JAK1: variants seen among roughly 807,000 people sequenced by gnomAD.
JAK1 encodes Janus kinase 1, also known as tyrosine-protein kinase JAK1.
JAK1 carries 16 observed loss-of-function variants against 136.6 expected under a neutral mutation model. The ratio of observed to expected loss-of-function variants is 0.12; its 90% confidence interval spans 0.08 to 0.18. The LOEUF (loss-of-function observed/expected upper bound fraction) is 0.18. Among genes scored for constraint, JAK1 ranks in the 10% least tolerant of loss-of-function variants. The pLI is 1.00. For missense variants in JAK1, 859 were observed against 1,450.1 expected, an observed-to-expected ratio of 0.59 and a Z score of 6.62; for synonymous variants, 492 against 519.5, an observed-to-expected ratio of 0.95 and a Z score of 0.72.
At chr1:65,037,756 C>T (rs908900911) in intron 2 of JAK1, among the ~76,000 whole-genome samples, 3 of 152,030 alleles carry the variant, frequency 2.0e-5, no homozygotes, top group Admixed American at 6.6e-5. Context: ...CTTAGCTACT[C>T]GGGAGGCTGA....
Position 64,879,138 on chromosome 1 carries a change from A to T in JAK1, c.216T>A (p.Pro72=). The change falls in exon 4 of 25, where the codon CCT becomes CCA. Residue 72 remains proline (P), a synonymous_variant. Coordinates refer to ENST00000342505, the MANE Select transcript of JAK1 (RefSeq NM_002227.4). ...IRAAQACRIS[P]LCHNLFALYD... ...ACAGGGCAAAGAGGTTGTGACAAAG[A>T]GGAGAGATACCTGAGGAAAAGTAAA... The T allele has an allele frequency of 6.2e-7, 1 of 1,614,024 alleles. No homozygotes were observed. The highest frequency in any genetic ancestry group is 2.2e-5 in the East Asian group (1 of 44,874).
At chr1:64,934,381 C>T (rs1053761097) in intron 1 of JAK1, among the ~76,000 whole-genome samples, 2 of 152,184 alleles carry the variant, frequency 1.3e-5, no homozygotes, top group African/African-American at 4.8e-5. Context: ...GAGGCAGCCA[C>T]ACCAAGGAAC....
intron 2 of JAK1, among the ~76,000 whole-genome samples, chr1:65,019,923 AAAGAAG>A (rs536941575): frequency 1.6e-3 from 242 of 149,390 alleles, no homozygotes; most frequent in South Asian, 3.6e-3. Context: ...CTCAAAAAAA[AAAGAAG>A]AAGAAGAAGA....
intron 24 of JAK1, 23 bp from the exon 25 acceptor site, chr1:64,834,680 A>G (rs757234641): frequency 6.9e-7 from 1 of 1,458,992 alleles, no homozygotes; most frequent in Non-Finnish European, 9.6e-7. Flanking sequence ...AGAAGTAACA[A>G]CAGTAAAAAT....
chr1:64,895,259 C>T (rs1644997333), intron 1 of JAK1, among the ~76,000 whole-genome samples: 1 of 152,152 alleles, frequency 6.6e-6, no homozygotes, highest in Non-Finnish European at 1.5e-5. Context: ...ACAAGTTTCA[C>T]AAAAAGATAT....
intron 1 of JAK1, among the ~76,000 whole-genome samples, chr1:64,931,001 G>T (rs2100445316): frequency 6.6e-6 from 1 of 152,158 alleles, no homozygotes; most frequent in South Asian, 2.1e-4. Flanking sequence ...CCAGTCAGGG[G>T]GTGGGGGACT....
chr1:65,032,734 T>C (rs1647034810), intron 2 of JAK1, among the ~76,000 whole-genome samples: 1 of 152,222 alleles, frequency 6.6e-6, no homozygotes, highest in Admixed American at 6.5e-5. Flanking sequence ...CTTCTCAGTG[T>C]CTTCATGCAT....
intron 1 of JAK1, among the ~76,000 whole-genome samples, chr1:64,953,664 T>G (rs1646131600): frequency 6.6e-6 from 1 of 152,080 alleles, no homozygotes; most frequent in Non-Finnish European, 1.5e-5. Context: ...CAAAAAATTT[T>G]TTTTTATTTT....
chr1:64,841,535 T>C lies in JAK1; in HGVS notation c.2470A>G (p.Met824Val). ...TPSCKELADL[M>V]TRCMNYDPNQ... ...GGGTCATAGTTCATGCAGCGGGTCATGAGGTCAGCCAGCTCCTTACATGAT... is the reference window on the plus strand; with the variant it reads ...GGGTCATAGTTCATGCAGCGGGTCACGAGGTCAGCCAGCTCCTTACATGAT... The change falls in exon 18 of 25, where the codon ATG becomes GTG. Residue 824 changes from methionine (M) to valine (V), a missense_variant. Physicochemically the swap from Met to Val is conservative, Grantham distance 21. Transcript: ENST00000342505. 1 of 1,614,152 alleles carries C rather than the reference T, an allele frequency of 6.2e-7. No individual in the cohort carries two copies. The highest frequency in any genetic ancestry group is 1.7e-4 in the Middle Eastern group (1 of 6,060).
At chr1:64,860,929 CGTGTGTGTGTGTGTGT>C (rs577274261) in intron 8 of JAK1, among the ~76,000 whole-genome samples, 48 of 48,504 alleles carry the variant, frequency 9.9e-4, no homozygotes, top group Non-Finnish European at 1.5e-3. Flanking sequence ...CCCCTGGGTC[CGTGTGTGTGTGTGTGT>C]GTGTGTGTGT....
chr1:64,949,066 T>C (rs1211632352), intron 1 of JAK1, among the ~76,000 whole-genome samples: 1 of 152,204 alleles, frequency 6.6e-6, no homozygotes, highest in Non-Finnish European at 1.5e-5. Context: ...GCTGTGACCA[T>C]GAGAGGCTCT....
At chr1:65,060,604 A>G (rs1647751357) in intron 1 of JAK1, among the ~76,000 whole-genome samples, 1 of 151,974 alleles carries the variant, frequency 6.6e-6, no homozygotes, top group Non-Finnish European at 1.5e-5. Flanking sequence ...TCATTTTTTT[A>G]CCTAAATTAG....
At chr1:65,051,786 TG>T (rs1204423316) in intron 1 of JAK1, among the ~76,000 whole-genome samples, 4 of 152,200 alleles carry the variant, frequency 2.6e-5, no homozygotes, top group African/African-American at 4.8e-5. Context: ...CATAATCTCA[TG>T]GAAAATAAAA....
intron 19 of JAK1, 116 bp downstream of exon 19, chr1:64,841,129 T>A: frequency 2.6e-6 from 2 of 770,136 alleles, no homozygotes; most frequent in South Asian, 1.7e-5. Flanking sequence ...GTGCTTTCGC[T>A]CATGGACCTG....
chr1:64,944,283 G>C (rs1366430716), intron 1 of JAK1, among the ~76,000 whole-genome samples: 1 of 138,396 alleles, frequency 7.2e-6, no homozygotes, highest in Non-Finnish European at 1.6e-5. Flanking sequence ...CAGAGTAAAA[G>C]ATAGATTTAT....
Position 64,984,984 on chromosome 1 carries a change from A to G in JAK1, c.-78+59496T>C. 1 of 898,906 alleles carries G rather than the reference A, an allele frequency of 1.1e-6. No individual in the cohort carries two copies. The highest frequency in any genetic ancestry group is 1.9e-6 in the Non-Finnish European group (1 of 531,538). The allele number at this position is 898,906 out of a possible 1,614,324, so 55.7% of individuals were successfully genotyped here. ...AATTTCAAAGAAGACCACAAAGACC[A>G]AGATAGCCCCAATACAGACAAAGCT... On this transcript the variant is annotated intron_variant, in intron 2 of 25. Transcript: ENST00000671954. This position sits in a 1 kb window ranked among gnomAD's most constrained non-coding sequence, Gnocchi z 4.1.
intron 9 of JAK1, among the ~76,000 whole-genome samples, chr1:64,858,135 C>G (rs1656060082): frequency 6.6e-6 from 1 of 152,196 alleles, no homozygotes; most frequent in South Asian, 2.1e-4. Context: ...CCCTAGCCAG[C>G]CCAGTGGAAG....
intron 1 of JAK1, among the ~76,000 whole-genome samples, chr1:64,952,186 G>C (rs1297224341): frequency 6.6e-6 from 1 of 152,214 alleles, no homozygotes; most frequent in Non-Finnish European, 1.5e-5. Context: ...AAAAGCAGGA[G>C]TGTGAGGGAA....
Position 64,873,385 on chromosome 1 carries a change from C to G in JAK1, c.468G>C (p.Glu156Asp). 2 of 1,614,178 alleles carry G rather than the reference C, an allele frequency of 1.2e-6. No homozygotes were observed. Among genetic ancestry groups the G allele is most frequent in the South Asian group, 2.2e-5 (2 of 91,086 alleles). ...ATPLLDASSL[E>D]YLFAQGQYDL... Reference sequence around the variant, plus strand: ...AACTTCCTACCTGAGCAAACAGATACTCCAGTGAGCTGGCATCAAGGAGAG... The same window carrying G: ...AACTTCCTACCTGAGCAAACAGATAGTCCAGTGAGCTGGCATCAAGGAGAG... Residue 156 changes from glutamate to aspartate, a missense_variant, in exon 5 of 25, where the codon GAG becomes GAC. By Grantham distance (45) the Glu-to-Asp change is conservative (BLOSUM62 2). This residue lies in a region of JAK1 where 353 missense variants were observed against 494.0 expected (regional missense o/e 0.71). Transcript: ENST00000342505.
Sources: allele counts gnomAD v4.1 joint callset (sites outside exome capture counted in the v4.1 genomes callset), GRCh38; gene constraint gnomAD v4.1.1; regional missense constraint gnomAD v4.1.1; non-coding constraint Gnocchi (gnomAD v3.1); transcripts MANE v1.5; gene names NCBI Gene and HGNC (gene_info 2026-07-23, HGNC 2026-07-21).